Variants in GRK3 observed in about 807,000 individuals in gnomAD.
GRK3 encodes adrenergic, beta, receptor kinase 2.
In GRK3, 54 loss-of-function variants were observed where a neutral mutation model predicts 95.7. The ratio of observed to expected loss-of-function variants is 0.56; its 90% CI spans 0.45 to 0.71. The LOEUF is 0.71. Ranked by LOEUF, GRK3 falls within the 30% of genes least tolerant of loss-of-function variation. GRK3 has a pLI of 0.00. For missense variants in GRK3, 649 were observed against 851.2 expected, an observed-to-expected ratio of 0.76 and a Z score of 2.96; for synonymous variants, 281 against 290.8, an observed-to-expected ratio of 0.97 and a Z score of 0.34.
chr22:25,593,412 T>A (rs1187190229), intron 1 of GRK3, among the ~76,000 whole-genome samples: 1 of 152,128 alleles, frequency 6.6e-6, no homozygotes, highest in East Asian at 1.9e-4. Flanking sequence ...TGGAGTGAGA[T>A]GGTATCTCAT....
intron 3 of GRK3, among the ~76,000 whole-genome samples, chr22:25,658,124 G>A (rs185255758): frequency 3.1e-4 from 47 of 152,130 alleles, no homozygotes; most frequent in African/African-American, 1.1e-3. Context: ...AGTTATAATA[G>A]CTGCTTTAAA....
intron 5 of GRK3, 98 bp downstream of exon 5, chr22:25,663,802 C>G (rs1206125329): frequency 5.0e-6 from 4 of 803,878 alleles, no homozygotes; most frequent in Non-Finnish European, 8.3e-6. Context: ...AGAGGACTTG[C>G]TTTGTAAAGA....
intron 2 of GRK3, among the ~76,000 whole-genome samples, chr22:25,624,660 C>T (rs1017028424): frequency 4.6e-5 from 7 of 152,144 alleles, no homozygotes; most frequent in South Asian, 2.1e-4. Context: ...ATTCATTTGG[C>T]GCTTACTGTG....
chr22:25,596,292 T>C (rs2084372018), intron 1 of GRK3, among the ~76,000 whole-genome samples: 1 of 152,222 alleles, frequency 6.6e-6, no homozygotes, highest in African/African-American at 2.4e-5. Flanking sequence ...TGAGGGCTTT[T>C]AATTTACTAA....
At chr22:25,600,714 G>C (rs1191436595) in intron 1 of GRK3, among the ~76,000 whole-genome samples, 3 of 152,108 alleles carry the variant, frequency 2.0e-5, no homozygotes, top group Non-Finnish European at 4.4e-5. Flanking sequence ...TCCGAGGCGG[G>C]TCCTAGATAG....
intron 3 of GRK3, chr22:25,649,128 T>C: frequency 6.7e-7 from 1 of 1,492,240 alleles, no homozygotes; most frequent in Non-Finnish European, 9.4e-7. Flanking sequence ...GAATCTGTGT[T>C]GGAAGAAGGA....
Position 25,709,186 on chromosome 22 carries a change from C to G in GRK3, c.1329-712C>G, listed in dbSNP as rs546375859. ...CCGAGTAGCTGGGATTACAGGCGCCCGTCACCATGCCCGGCTAATTTTTTG... is the reference window on the plus strand; with the variant it reads ...CCGAGTAGCTGGGATTACAGGCGCCGGTCACCATGCCCGGCTAATTTTTTG... On this transcript the variant is annotated intron_variant, in intron 15 of 20. Transcript: ENST00000324198. 1.5e-3 allele frequency among the ~76,000 whole-genome samples: 223 copies of G among 151,992 alleles called. 1 individual carries two copies. Among genetic ancestry groups the G allele is most frequent in the African/African-American group, 5.3e-3 (218 of 41,488 alleles).
At chr22:25,702,235 A>G (rs949130219) in intron 13 of GRK3, among the ~76,000 whole-genome samples, 6 of 152,222 alleles carry the variant, frequency 3.9e-5, no homozygotes, top group Non-Finnish European at 8.8e-5. Flanking sequence ...ATGGCCTGAA[A>G]TGTAATAATC....
chr22:25,710,130 T>C (rs1601543680), intron 16 of GRK3, 166 bp downstream of exon 16: 1 of 671,608 alleles, frequency 1.5e-6, no homozygotes, highest in East Asian at 2.5e-5. Context: ...GTCCACACTC[T>C]CTTGTTACCC....
At chr22:25,697,205 C>G (rs1365655469) in intron 13 of GRK3, among the ~76,000 whole-genome samples, 15 of 152,216 alleles carry the variant, frequency 9.9e-5, no homozygotes, top group African/African-American at 3.4e-4. Context: ...TTTTGTTACT[C>G]TAGCTGTTAA....
chr22:25,710,502 A>G (rs1305690924), intron 16 of GRK3, among the ~76,000 whole-genome samples: 1 of 152,228 alleles, frequency 6.6e-6, no homozygotes. Context: ...GATACAGGAA[A>G]CACCCCAAAT....
In GRK3 at chr22:25,565,149, C is replaced by G; in HGVS notation, c.109C>G (p.Pro37Ala). The G allele has an allele frequency of 6.6e-7, 1 of 1,514,012 alleles. No individual in the cohort carries two copies. The highest frequency in any genetic ancestry group is 8.8e-7 in the Non-Finnish European group (1 of 1,131,272). The allele number at this position is 1,514,012 out of a possible 1,614,324, so 93.8% of individuals were successfully genotyped here. Residue 37 changes from proline to alanine, a missense_variant, in exon 1 of 21, where the codon CCC becomes GCC. By Grantham distance (27) the Pro-to-Ala change is conservative (BLOSUM62 -1). Transcript: ENST00000324198. ...CAGCAAGAGGATCGTCCTGCCGGAG[C>G]CCAGGTACCAGCTGCCCCGGCCGGC... The part of the protein sequence containing the change: ...RASKRIVLPE[P>A]SIRSVMQKYL...
At chr22:25,623,360 C>T (rs920138001) in intron 2 of GRK3, among the ~76,000 whole-genome samples, 2 of 152,198 alleles carry the variant, frequency 1.3e-5, no homozygotes, top group South Asian at 2.1e-4. Flanking sequence ...TAATTCCCGC[C>T]GTGTAAGCCC....
At chr22:25,615,162 C>T (rs1378431854) in intron 2 of GRK3, among the ~76,000 whole-genome samples, 1 of 152,174 alleles carries the variant, frequency 6.6e-6, no homozygotes, top group Non-Finnish European at 1.5e-5. Context: ...CCAGCCTCTG[C>T]AGCTAAACTC....
At chr22:25,666,770 T>G (rs1168000954) in intron 5 of GRK3, among the ~76,000 whole-genome samples, 2 of 152,168 alleles carry the variant, frequency 1.3e-5, no homozygotes, top group African/African-American at 4.8e-5. Flanking sequence ...TTTTGTAAAC[T>G]TTCAGGATGA....
chr22:25,665,526 C>T (rs1422299137), intron 5 of GRK3, among the ~76,000 whole-genome samples: 2 of 152,014 alleles, frequency 1.3e-5, no homozygotes, highest in Admixed American at 6.5e-5. Context: ...CAATTTCTTT[C>T]ATATATCTTT....
rs551161671 is a variant in GRK3 at position 25,583,314 on chromosome 22, T to A, written c.113+18161T>A. On this transcript the variant is annotated intron_variant, in intron 1 of 20. Coordinates refer to ENST00000324198, the MANE Select transcript of GRK3 (RefSeq NM_005160.4). ...TCACATGGCTACAAAAATAAGTCAG[T>A]CCAAAAGTGGAGGCTATTTGTGGCC... is the stretch of plus-strand genomic sequence containing the variant. Among the ~76,000 whole-genome samples the A allele has an allele frequency of 2.6e-5, 4 of 151,816 alleles. No homozygotes were observed. The South Asian group carries it at 8.3e-4, about 32-fold the overall frequency.
chr22:25,714,312 A>T, intron 17 of GRK3, 96 bp from the exon 18 acceptor site: 2 of 1,000,408 alleles, frequency 2.0e-6, no homozygotes, highest in Non-Finnish European at 2.9e-6. Context: ...CTTCCTATAT[A>T]GAGTTATGAT....
chr22:25,594,944 G>T (rs1204438571), intron 1 of GRK3, among the ~76,000 whole-genome samples: 1 of 151,728 alleles, frequency 6.6e-6, no homozygotes, highest in Admixed American at 6.6e-5. Context: ...CAATAGACGT[G>T]GAAAAAGCTT....
Sources: gnomAD v4.1 joint callset for allele counts (sites outside exome capture counted in the v4.1 genomes callset) on GRCh38, gnomAD v4.1.1 for gene constraint, MANE v1.5 for transcripts, NCBI Gene and HGNC (gene_info 2026-07-23, HGNC 2026-07-21) for gene names.